Variants in PFDN1 observed in about 807,000 individuals in gnomAD.
The protein encoded by PFDN1 is prefoldin 1.
A neutral mutation model predicts 17.3 loss-of-function variants in PFDN1; 6 were observed. That is an observed-to-expected ratio of 0.35 (90% CI 0.19 to 0.69). The LOEUF (loss-of-function observed/expected upper bound fraction) is 0.69, where lower values mean the gene tolerates loss of function less well. PFDN1 is among the 30% of genes least tolerant of loss of function. The pLI, the probability that PFDN1 is intolerant of heterozygous loss-of-function variation, is 0.65. For missense variants in PFDN1, 113 were observed against 146.2 expected (o/e 0.77, Z 1.17); for synonymous variants, 58 against 50.1 (o/e 1.16, Z -0.67).
intron 2 of PFDN1, among the ~76,000 whole-genome samples, chr5:140,290,542 G>A (rs1765564459): frequency 6.6e-6 from 1 of 152,214 alleles, no homozygotes; most frequent in South Asian, 2.1e-4. Context: ...TACACTCAGT[G>A]AAAGTACATA....
chr5:140,288,184 T>C (rs1765526170), intron 2 of PFDN1, among the ~76,000 whole-genome samples: 1 of 152,220 alleles, frequency 6.6e-6, no homozygotes, highest in African/African-American at 2.4e-5. Flanking sequence ...AGTGAATGGA[T>C]AAACTGTCAG....
intron 2 of PFDN1, among the ~76,000 whole-genome samples, chr5:140,292,668 A>T (rs1765596496): frequency 6.6e-6 from 1 of 152,126 alleles, no homozygotes; most frequent in Non-Finnish European, 1.5e-5. Context: ...CAGGACAATG[A>T]AGTAACATTC....
chr5:140,295,960 T>C (rs1321554877), intron 2 of PFDN1, among the ~76,000 whole-genome samples: 1 of 152,154 alleles, frequency 6.6e-6, no homozygotes, highest in Non-Finnish European at 1.5e-5. Context: ...CTAAGGATTA[T>C]ACTACCCTCA....
chr5:140,267,603 T>A (rs1046787960), intron 3 of PFDN1, among the ~76,000 whole-genome samples: 1 of 152,190 alleles, frequency 6.6e-6, no homozygotes, highest in Admixed American at 6.5e-5. Flanking sequence ...CCCCAGGAAC[T>A]AAATTAAACA....
intron 3 of PFDN1, among the ~76,000 whole-genome samples, chr5:140,273,459 A>G (rs537648841): frequency 3.9e-5 from 6 of 152,266 alleles, no homozygotes; most frequent in Admixed American, 6.5e-5. Context: ...CAGGCAGAGT[A>G]AAATTTCCTC....
intron 2 of PFDN1, among the ~76,000 whole-genome samples, chr5:140,287,523 A>T (rs1017615253): frequency 2.0e-5 from 3 of 152,218 alleles, no homozygotes; most frequent in African/African-American, 7.2e-5. Flanking sequence ...AAAAGGAATC[A>T]GGAACCACAG....
chr5:140,272,973 T>C (rs1421924976), intron 3 of PFDN1, among the ~76,000 whole-genome samples: 1 of 152,240 alleles, frequency 6.6e-6, no homozygotes, highest in Admixed American at 6.5e-5. Flanking sequence ...TCTTGTTTAA[T>C]GTTTTAAAAA....
intron 3 of PFDN1, among the ~76,000 whole-genome samples, chr5:140,260,606 G>C (rs1765051498): frequency 1.3e-5 from 2 of 149,302 alleles, no homozygotes; most frequent in Admixed American, 6.8e-5. Flanking sequence ...CTACATACTA[G>C]ATGATCCATT....
At chr5:140,298,386 T>A (rs1366429719) in intron 2 of PFDN1, among the ~76,000 whole-genome samples, 1 of 151,512 alleles carries the variant, frequency 6.6e-6, no homozygotes, top group Non-Finnish European at 1.5e-5. Context: ...AACTAAAAGA[T>A]CTCCAAATCT....
chr5:140,270,220 G>T (rs891744687), intron 3 of PFDN1, among the ~76,000 whole-genome samples: 2 of 152,138 alleles, frequency 1.3e-5, no homozygotes, highest in Non-Finnish European at 2.9e-5. Context: ...TCATTCTCTA[G>T]GCAGCCTGAA....
chr5:140,278,139 C>T (rs1010325380), intron 3 of PFDN1, among the ~76,000 whole-genome samples: 7 of 151,642 alleles, frequency 4.6e-5, no homozygotes, highest in East Asian at 2.0e-4. Context: ...ACCCAGAAGG[C>T]GGAGGCTGCA....
intron 2 of PFDN1, among the ~76,000 whole-genome samples, chr5:140,289,163 T>C (rs1765544081): frequency 6.6e-6 from 1 of 151,868 alleles, no homozygotes; most frequent in Admixed American, 6.6e-5. Flanking sequence ...GGCACATGCC[T>C]GTAATCCCAA....
intron 3 of PFDN1, 151 bp from the exon 4 acceptor site, chr5:140,246,208 G>C: frequency 1.6e-6 from 1 of 643,716 alleles, no homozygotes; most frequent in Admixed American, 2.3e-5. Flanking sequence ...CCTGCCCACA[G>C]TGCTCCCCTC....
intron 3 of PFDN1, among the ~76,000 whole-genome samples, chr5:140,256,266 G>A (rs1023991270): frequency 4.3e-4 from 66 of 151,996 alleles, no homozygotes; most frequent in African/African-American, 1.5e-3. Flanking sequence ...TGTAATCTCA[G>A]CACTTTGGGA....
intron 3 of PFDN1, among the ~76,000 whole-genome samples, chr5:140,280,759 C>G (rs1026699123): frequency 1.3e-5 from 2 of 152,114 alleles, no homozygotes; most frequent in Admixed American, 1.3e-4. Context: ...AGCTTTTTGT[C>G]CAGTCTAACT....
intron 2 of PFDN1, among the ~76,000 whole-genome samples, chr5:140,290,252 G>A (rs1366345163): frequency 1.3e-5 from 2 of 152,194 alleles, no homozygotes; most frequent in African/African-American, 2.4e-5. Flanking sequence ...GCCTAAGCAT[G>A]TGACTCAGTT....
chr5:140,251,913 C>T (rs1002820507), intron 3 of PFDN1, among the ~76,000 whole-genome samples: 2 of 152,148 alleles, frequency 1.3e-5, no homozygotes, highest in African/African-American at 2.4e-5. Context: ...TGAGGTAATA[C>T]ATCTTGTGAC....
chr5:140,257,980 A>G (rs13161154), intron 3 of PFDN1, among the ~76,000 whole-genome samples: 33,756 of 152,088 alleles, frequency 0.22, 4,185 homozygotes, highest in South Asian at 0.45. Context: ...GTGGGGAGAG[A>G]GTAATTCCAG....
intron 3 of PFDN1, among the ~76,000 whole-genome samples, chr5:140,252,649 C>G (rs1449379841): frequency 6.6e-6 from 1 of 152,208 alleles, no homozygotes; most frequent in African/African-American, 2.4e-5. Context: ...AGGGTACCAA[C>G]TGCCCACAAT....
Sources: gnomAD v4.1 joint callset for allele counts (sites outside exome capture counted in the v4.1 genomes callset) on GRCh38, gnomAD v4.1.1 for gene constraint, MANE v1.5 for transcripts, NCBI Gene and HGNC (gene_info 2026-07-23, HGNC 2026-07-21) for gene names.